ANKFN1: variants seen among roughly 807,000 people sequenced by gnomAD.
ANKFN1 encodes the protein ankyrin repeat and fibronectin type III domain containing 1, also known as ankyrin repeat and fibronectin type-III domain-containing protein 1.
ANKFN1 carries 74 observed loss-of-function variants against 108.7 expected under a neutral mutation model. The observed-to-expected ratio is 0.68, with a 90% CI of 0.56 to 0.83. ANKFN1 has a LOEUF of 0.83. ANKFN1 is among the 40% of genes least tolerant of loss of function. The probability of loss-of-function intolerance (pLI) is 0.00; values close to 1 mark genes in which losing one functional copy is unlikely to be tolerated. For missense variants in ANKFN1, 1,505 were observed against 1,382.3 expected (o/e 1.09, Z -1.41); for synonymous variants, 547 against 516.2 (o/e 1.06, Z -0.81).
intron 18 of ANKFN1, among the ~76,000 whole-genome samples, chr17:56,486,525 C>A (rs1385906278): frequency 6.6e-6 from 1 of 152,172 alleles, no homozygotes; most frequent in Non-Finnish European, 1.5e-5. Context: ...ATAACTACTT[C>A]CTCCATCAGG....
chr17:56,336,847 G>GTGGGCAT (rs1244481976), intron 4 of ANKFN1, among the ~76,000 whole-genome samples: 1 of 152,112 alleles, frequency 6.6e-6, no homozygotes, highest in East Asian at 1.9e-4. Context: ...GCTTTCTCTT[G>GTGGGCAT]TGGGCATTTA....
intron 8 of ANKFN1, among the ~76,000 whole-genome samples, chr17:56,437,825 C>T (rs191932457): frequency 6.6e-6 from 1 of 151,944 alleles, no homozygotes; most frequent in African/African-American, 2.4e-5. Context: ...GAGGTATAGA[C>T]CGATTTGAGT....
rs1355459838 is a variant in ANKFN1, at chr17:56,516,821, G to C, written c.*5552G>C. 6.6e-6 allele frequency among the ~76,000 whole-genome samples: 1 copy of C among 151,930 alleles called. No homozygotes were observed. Among genetic ancestry groups the C allele is most frequent in the East Asian group, 1.9e-4 (1 of 5,194 alleles). On this transcript the variant is annotated 3_prime_UTR_variant, in exon 21 of 21. Coordinates refer to ENST00000682825, the MANE Select transcript of ANKFN1 (RefSeq NM_001370326.1). Reference sequence around the variant, plus strand: ...ACAGAAGAAATCTAAGCTATCAGAGGGAATGACTTTATTTCATAAGCATTA... The same window carrying C: ...ACAGAAGAAATCTAAGCTATCAGAGCGAATGACTTTATTTCATAAGCATTA...
At chr17:56,150,054 C>T (rs1217850539), upstream of ANKFN1, among the ~76,000 whole-genome samples, 2 of 152,194 alleles carry the variant, frequency 1.3e-5, no homozygotes, top group African/African-American at 4.8e-5. Flanking sequence ...TTATGACTCT[C>T]TGTTACCCTA....
chr17:56,313,547 C>A (rs753364919), intron 3 of ANKFN1, among the ~76,000 whole-genome samples: 7 of 152,148 alleles, frequency 4.6e-5, no homozygotes, highest in Non-Finnish European at 1.0e-4. Context: ...GGCTCTCAGT[C>A]CTTTTCTCTT....
chr17:56,066,347 T>C (rs1377752585), intron 4 of ANKFN1, among the ~76,000 whole-genome samples: 1 of 152,218 alleles, frequency 6.6e-6, no homozygotes, highest in Non-Finnish European at 1.5e-5. Flanking sequence ...CTGTCTAATA[T>C]GCTAGCCATT....
chr17:56,054,217 C>T (rs1008413553), intron 4 of ANKFN1, among the ~76,000 whole-genome samples: 1 of 152,230 alleles, frequency 6.6e-6, no homozygotes, highest in Non-Finnish European at 1.5e-5. Flanking sequence ...AATCCCACTA[C>T]TGGGTATGTA....
At chr17:56,499,343 C>T (rs1237983468) in intron 20 of ANKFN1, among the ~76,000 whole-genome samples, 2 of 152,102 alleles carry the variant, frequency 1.3e-5, no homozygotes, top group Non-Finnish European at 2.9e-5. Flanking sequence ...CTAGGTCACA[C>T]TTACAAGATG....
In ANKFN1 at chr17:56,466,530, G is replaced by T; in HGVS notation, c.1732G>T (p.Glu578Ter). 6.2e-7 allele frequency: 1 copy of T among 1,613,702 alleles called. No homozygotes were observed. The highest frequency in any genetic ancestry group is 8.5e-7 in the Non-Finnish European group (1 of 1,179,814). Residue 578 changes from glutamate (E) to a stop codon, truncating the protein, a stop_gained, in exon 15 of 21, where the codon GAG (glutamate) becomes TAG (stop). Coordinates refer to ENST00000682825, the MANE Select transcript of ANKFN1 (RefSeq NM_001370326.1). LOFTEE classifies it high-confidence loss of function. ...QSQRKSLSTP[E>*]EPTALDILLI... is the part of the protein sequence containing the mutation. Reference sequence around the variant, plus strand: ...CCAGAGAAAGTCTCTATCAACACCTGAGGAGCCAACAGCTTTAGACATTCT... The same window carrying T: ...CCAGAGAAAGTCTCTATCAACACCTTAGGAGCCAACAGCTTTAGACATTCT...
At chr17:56,232,712 T>C (rs1916832114) in intron 3 of ANKFN1, among the ~76,000 whole-genome samples, 1 of 152,178 alleles carries the variant, frequency 6.6e-6, no homozygotes, top group Admixed American at 6.6e-5. Context: ...CTGAAATGTC[T>C]GTGATATTCT....
chr17:56,459,171 C>T (rs1169504401), intron 14 of ANKFN1, among the ~76,000 whole-genome samples: 5 of 152,064 alleles, frequency 3.3e-5, no homozygotes, highest in Admixed American at 1.3e-4. Flanking sequence ...AGTTCAGTGC[C>T]GTGATCTTGG....
intron 5 of ANKFN1, among the ~76,000 whole-genome samples, chr17:56,353,107 A>C (rs1227772884): frequency 6.6e-6 from 1 of 152,216 alleles, no homozygotes. Context: ...CAAATGCAAT[A>C]AAATACATGT....
At chr17:56,460,813 A>G (rs1422037032) in intron 14 of ANKFN1, among the ~76,000 whole-genome samples, 5 of 152,006 alleles carry the variant, frequency 3.3e-5, no homozygotes, top group Admixed American at 6.6e-5. Context: ...ATAGCCCCAC[A>G]TGCCCCTTCA....
At chr17:56,098,181 C>T (rs1393617681) in intron 4 of ANKFN1, among the ~76,000 whole-genome samples, 12 of 152,076 alleles carry the variant, frequency 7.9e-5, no homozygotes, top group African/African-American at 2.2e-4. Flanking sequence ...TGGATTCACC[C>T]CTAGAGCCTA....
At chr17:56,457,005 A>C in intron 12 of ANKFN1, 45 bp downstream of exon 12, 2 of 1,553,992 alleles carry the variant, frequency 1.3e-6, no homozygotes, top group Non-Finnish European at 1.8e-6. Context: ...CTTTTCAAGA[A>C]TGCACTGGTT....
At chr17:56,081,723 G>A (rs372027153) in intron 4 of ANKFN1, among the ~76,000 whole-genome samples, 26 of 152,258 alleles carry the variant, frequency 1.7e-4, no homozygotes, top group African/African-American at 5.5e-4. Context: ...CTTCCCTTAG[G>A]GTAAGCTGCC....
At chr17:56,074,671 G>T (rs567909783) in intron 4 of ANKFN1, among the ~76,000 whole-genome samples, 1 of 152,304 alleles carries the variant, frequency 6.6e-6, no homozygotes, top group South Asian at 2.1e-4. Flanking sequence ...TTTAATTGCT[G>T]TTCCATCAGC....
intron 6 of ANKFN1, among the ~76,000 whole-genome samples, chr17:56,369,352 G>A (rs1011906325): frequency 1.3e-5 from 2 of 152,026 alleles, no homozygotes; most frequent in Admixed American, 1.3e-4. Context: ...TAAATGTGGA[G>A]GCTATCAACA....
intron 4 of ANKFN1, among the ~76,000 whole-genome samples, chr17:56,053,001 A>G (rs1466560502): frequency 6.6e-6 from 1 of 152,174 alleles, no homozygotes; most frequent in Non-Finnish European, 1.5e-5. Flanking sequence ...TAAAAAATGT[A>G]AAAGAGCATT....
Sources: gnomAD v4.1 joint callset for allele counts (sites outside exome capture counted in the v4.1 genomes callset) on GRCh38, gnomAD v4.1.1 for gene constraint, MANE v1.5 for transcripts, NCBI Gene and HGNC (gene_info 2026-07-23, HGNC 2026-07-21) for gene names.